RNF17: variants seen among roughly 807,000 people sequenced by gnomAD.
The protein encoded by RNF17 is ring finger protein 17.
In RNF17, 31 loss-of-function variants were observed where a neutral mutation model predicts 200.5. The observed-to-expected ratio is 0.15, with a 90% CI of 0.12 to 0.21. RNF17 has a LOEUF of 0.21. RNF17 is among the 10% of genes least tolerant of loss of function. The pLI, the probability that RNF17 is intolerant of heterozygous loss-of-function variation, is 1.00. For synonymous variants in RNF17, 606 were observed against 637.8 expected (o/e 0.95, Z 0.75); for missense variants, 1,628 against 1,905.1 (o/e 0.85, Z 2.71).
chr13:24,797,497 T>A (rs1002806386), intron 11 of RNF17, among the ~76,000 whole-genome samples: 6 of 152,152 alleles, frequency 3.9e-5, no homozygotes, highest in African/African-American at 1.4e-4. Context: ...AATAACATTA[T>A]CTCATTATAA....
At chr13:24,749,756 T>C in the RNF17 span, among the ~76,000 whole-genome samples, 1 of 152,130 alleles carries the variant, frequency 6.6e-6, no homozygotes, top group Non-Finnish European at 1.5e-5. Flanking sequence ...TTGTTTTGTT[T>C]CGTTTTTTAT....
In RNF17 at chr13:24,854,084, G is replaced by A; in HGVS notation, c.3550G>A (p.Glu1184Lys). ...PPAIPNMNVF[E>K]ATVSCVGDDG... Reference sequence around the variant, plus strand: ...AGCTATTCCTAACATGAACGTATTTGAGGCAACAGTCAGCTGTGTTGGTGA... The same window carrying A: ...AGCTATTCCTAACATGAACGTATTTAAGGCAACAGTCAGCTGTGTTGGTGA... The change falls in exon 25 of 36, where the codon GAG becomes AAG. Residue 1184 changes from glutamate to lysine, a missense_variant. By Grantham distance (56) the Glu-to-Lys change is moderately conservative (BLOSUM62 1). Coordinates refer to ENST00000255324, the MANE Select transcript of RNF17 (RefSeq NM_031277.3). 6.2e-7 allele frequency: 1 copy of A among 1,614,014 alleles called. No homozygotes were observed.
intron 13 of RNF17, among the ~76,000 whole-genome samples, chr13:24,801,765 C>G (rs2137733730): frequency 6.6e-6 from 1 of 152,238 alleles, no homozygotes; most frequent in East Asian, 1.9e-4. Flanking sequence ...CCTATACTTT[C>G]AGAATTACCT....
downstream of RNF17, chr13:24,882,241 T>G (rs1394925514): frequency 7.9e-6 from 1 of 126,028 alleles, no homozygotes; most frequent in East Asian, 2.1e-4. Context: ...TAGATAGATA[T>G]ATAGATACAT....
At chr13:24,828,184 T>C (rs1314742039) in intron 16 of RNF17, among the ~76,000 whole-genome samples, 1 of 152,190 alleles carries the variant, frequency 6.6e-6, no homozygotes, top group Non-Finnish European at 1.5e-5. Context: ...CAATAAGGCC[T>C]CTGAAATCTT....
chr13:24,883,502 A>G (rs1249912461), downstream of RNF17: 1 of 661,496 alleles, frequency 1.5e-6, no homozygotes, highest in East Asian at 2.7e-5. Context: ...TCCCTATACA[A>G]TTGTAACTTT....
Position 24,778,243 on chromosome 13 carries a change from CAG to C in RNF17, c.318-48_318-47del. On this transcript the variant is annotated intron_variant, in intron 3 of 35. Coordinates refer to ENST00000255324, the MANE Select transcript of RNF17 (RefSeq NM_031277.3). ...TGCCACTGCACTCTGGCCTGGGTGA[CAG>C]AGAAAGATCCTGTCACAAAAAATAA... The C allele has an allele frequency of 1.7e-5, 21 of 1,260,208 alleles. No homozygotes were observed. In the South Asian group the frequency reaches 2.4e-4, roughly 15 times the overall value. The allele number at this position is 1,260,208 out of a possible 1,614,324, so 78.1% of individuals were successfully genotyped here. A position where few individuals can be genotyped will look rare whatever the true frequency, so the allele number is the denominator to read the frequency against.
At chr13:24,864,453 T>G (rs1893418286) in intron 28 of RNF17, among the ~76,000 whole-genome samples, 1 of 152,204 alleles carries the variant, frequency 6.6e-6, no homozygotes, top group South Asian at 2.1e-4. Context: ...AGTTTTAAAG[T>G]TACCATGATT....
At position 24,879,781 on chromosome 13, in the gene RNF17, T is replaced by C. The variant is rs1014439548; in HGVS notation, c.*55T>C. 5 of 152,772 alleles carry C rather than the reference T, an allele frequency of 3.3e-5. No homozygotes were observed. Among genetic ancestry groups the C allele is most frequent in the Admixed American group, 6.5e-5 (1 of 15,358 alleles). The allele number at this position is 152,772 out of a possible 1,614,324, so 9.5% of individuals were successfully genotyped here. A position where few individuals can be genotyped will look rare whatever the true frequency, so the allele number is the denominator to read the frequency against. The stretch of plus-strand genomic sequence containing the variant: ...ATAGAAGCCTAGAAGAATTCTGTTA[T>C]GTTTAGACTATGTCTTATCTTTAGA... On this transcript the variant is annotated 3_prime_UTR_variant, in exon 36 of 36. Transcript: ENST00000255324.
intron 15 of RNF17, among the ~76,000 whole-genome samples, chr13:24,804,854 A>T (rs558541910): frequency 2.0e-5 from 3 of 152,348 alleles, no homozygotes; most frequent in African/African-American, 7.2e-5. Flanking sequence ...GTGTTTAGAT[A>T]GTAACAATAA....
Position 24,863,231 on chromosome 13 carries a change from A to G in RNF17, c.3975+438A>G, listed in dbSNP as rs117759608. On this transcript the variant is annotated intron_variant, in intron 28 of 35. Transcript: ENST00000255324. ...AAAAACCTAAAACATTTGCACTACA[A>G]AGTAACATGCCAAGAGCTAAGTGAC... Among the ~76,000 whole-genome samples, 809 of 152,328 alleles carry G rather than the reference A, an allele frequency of 5.3e-3. 22 individuals are homozygous for G. In the East Asian group the frequency reaches 0.081, roughly 15 times the overall value.
At chr13:24,830,243 G>A (rs1259612288) in intron 16 of RNF17, among the ~76,000 whole-genome samples, 3 of 152,064 alleles carry the variant, frequency 2.0e-5, no homozygotes, top group East Asian at 3.8e-4. Context: ...ATATAATTTT[G>A]TTATCCTGAT....
In RNF17 at chr13:24,865,802, AAAG is replaced by A. The variant is rs934473629; in HGVS notation, c.4102-338_4102-336del. 5.9e-5 allele frequency among the ~76,000 whole-genome samples: 9 copies of A among 152,110 alleles called. 1 individual carries two copies. The highest frequency in any genetic ancestry group is 5.9e-4 in the Admixed American group (9 of 15,250). On this transcript the variant is annotated intron_variant, in intron 29 of 35. Transcript: ENST00000255324. ...GTGAGTGGGGGTGTGTGTGTGTGTAAAAGAAGTTACGTCTGTTATTAAACACGT... is the reference window on the plus strand; with the variant it reads ...GTGAGTGGGGGTGTGTGTGTGTGTAAAAGTTACGTCTGTTATTAAACACGT...
intron 3 of RNF17, among the ~76,000 whole-genome samples, chr13:24,777,909 A>G (rs1233285723): frequency 3.9e-5 from 6 of 152,118 alleles, no homozygotes; most frequent in African/African-American, 9.7e-5. Flanking sequence ...TTTATGGTAA[A>G]ATCTGAATAG....
chr13:24,826,130 C>CT (rs1043457522), intron 16 of RNF17: 7 of 967,876 alleles, frequency 7.2e-6, no homozygotes, highest in Admixed American at 1.2e-4. Flanking sequence ...TTTGTGTCCT[C>CT]TCTGCTTCCC....
chr13:24,764,380 G>C, intron 1 of RNF17, 47 bp downstream of exon 1: 1 of 1,521,912 alleles, frequency 6.6e-7, no homozygotes, highest in Non-Finnish European at 8.9e-7. Context: ...CCTGGAGGGA[G>C]CGCTGGGGGC....
At chr13:24,879,332 A>G in intron 35 of RNF17, 37 bp downstream of exon 35, 3 of 1,306,746 alleles carry the variant, frequency 2.3e-6, no homozygotes, top group South Asian at 2.4e-5. Flanking sequence ...AAGGCATGGG[A>G]CTAGTGGAGA....
upstream of RNF17, among the ~76,000 whole-genome samples, chr13:24,759,681 C>A (rs1333509415): frequency 2.0e-5 from 3 of 151,614 alleles, no homozygotes; most frequent in African/African-American, 7.3e-5. Context: ...AGAAGCCTAC[C>A]AAAAAGGTAA....
At chr13:24,774,290 G>A (rs1228590408) in intron 2 of RNF17, among the ~76,000 whole-genome samples, 2 of 151,680 alleles carry the variant, frequency 1.3e-5, no homozygotes, top group Non-Finnish European at 2.9e-5. Context: ...CAACCTCCAC[G>A]CTCTGCCTCG....
Sources: allele counts gnomAD v4.1 joint callset (sites outside exome capture counted in the v4.1 genomes callset), GRCh38; gene constraint gnomAD v4.1.1; transcripts MANE v1.5; gene names NCBI Gene and HGNC (gene_info 2026-07-23, HGNC 2026-07-21).